The following GRIK2 variants were observed in gnomAD, a reference collection of about 807,000 sequenced individuals.
GRIK2 encodes the protein glutamate receptor ionotropic, kainate 2.
Under a neutral mutation model 100.3 loss-of-function variants are expected in GRIK2, and 32 were observed. That is an observed-to-expected ratio of 0.32 (90% CI 0.24 to 0.43). The LOEUF (loss-of-function observed/expected upper bound fraction) is 0.43, where lower values mean the gene tolerates loss of function less well. Ranked by LOEUF, GRIK2 falls within the 20% of genes least tolerant of loss-of-function variation. GRIK2 has a pLI of 1.00. For missense variants in GRIK2, 843 were observed against 1,114.9 expected (o/e 0.76, Z 3.47); for synonymous variants, 417 against 389.4 (o/e 1.07, Z -0.83).
intron 2 of GRIK2, among the ~76,000 whole-genome samples, chr6:101,482,615 ATG>A (rs1169009591): frequency 2.6e-5 from 4 of 152,216 alleles, no homozygotes; most frequent in Admixed American, 1.3e-4. Flanking sequence ...GAAATGTAAA[ATG>A]TGTGTGTAGA....
At chr6:101,441,108 C>A (rs1562139887) in intron 2 of GRIK2, among the ~76,000 whole-genome samples, 1 of 151,800 alleles carries the variant, frequency 6.6e-6, no homozygotes, top group Non-Finnish European at 1.5e-5. Context: ...CTTCCTAGAG[C>A]ACTGGGATTA....
intron 7 of GRIK2, among the ~76,000 whole-genome samples, chr6:101,721,418 G>A (rs1487850367): frequency 2.6e-5 from 4 of 151,884 alleles, no homozygotes; most frequent in Non-Finnish European, 2.9e-5. Context: ...AATTAGCTGG[G>A]AGTGGTGGTG....
chr6:101,564,430 A>G (rs1777157831), intron 2 of GRIK2, among the ~76,000 whole-genome samples: 1 of 152,186 alleles, frequency 6.6e-6, no homozygotes. Context: ...AAGAAAGAAT[A>G]ACTGAGTGTA....
At chr6:101,809,262 T>A (rs1208763485) in intron 9 of GRIK2, among the ~76,000 whole-genome samples, 1 of 152,044 alleles carries the variant, frequency 6.6e-6, no homozygotes, top group East Asian at 1.9e-4. Flanking sequence ...CCTGCCTGCC[T>A]GAGTTTACAG....
intron 7 of GRIK2, among the ~76,000 whole-genome samples, chr6:101,707,528 ATATG>A (rs1253052953): frequency 7.6e-6 from 1 of 131,636 alleles, no homozygotes; most frequent in East Asian, 2.2e-4. Context: ...GTGAAAATAT[ATATG>A]TGTGTATATA....
intron 12 of GRIK2, among the ~76,000 whole-genome samples, chr6:101,908,586 AG>A (rs1268788169): frequency 1.7e-4 from 26 of 151,374 alleles, no homozygotes; most frequent in Non-Finnish European, 4.4e-5. Flanking sequence ...TCCAGGGAAG[AG>A]GAAGAGAGTA....
intron 2 of GRIK2, among the ~76,000 whole-genome samples, chr6:101,603,407 A>T (rs907111974): frequency 2.9e-4 from 44 of 151,604 alleles, no homozygotes; most frequent in African/African-American, 9.7e-4. Flanking sequence ...GAGAGGAATA[A>T]ATAACCACGA....
At chr6:101,465,347 A>G (rs1342392019) in intron 2 of GRIK2, among the ~76,000 whole-genome samples, 1 of 152,120 alleles carries the variant, frequency 6.6e-6, no homozygotes, top group Admixed American at 6.5e-5. Context: ...TTTAGCTCCC[A>G]GTTACAAGTG....
rs147526404 is a variant in GRIK2, at chr6:101,981,210, C to G, written c.2085+52578C>G. ...GTTTCAAGTTTATAAATATATTTAT[C>G]TTTTTTGGGCATGAAGGACTTAAAT... On this transcript the variant is annotated intron_variant, in intron 14 of 16. Transcript: ENST00000369134. 6.9e-3 allele frequency among the ~76,000 whole-genome samples: 1,042 copies of G among 151,846 alleles called. 14 individuals are homozygous for G. The highest frequency in any genetic ancestry group is 0.024 in the African/African-American group (986 of 41,500).
intron 7 of GRIK2, among the ~76,000 whole-genome samples, chr6:101,757,292 A>G (rs1777196180): frequency 1.3e-5 from 2 of 152,176 alleles, no homozygotes; most frequent in African/African-American, 4.8e-5. Context: ...TACAGTACCT[A>G]ATGTATTTAA....
intron 12 of GRIK2, among the ~76,000 whole-genome samples, chr6:101,908,277 G>T (rs1005014940): frequency 1.3e-4 from 1 of 7,750 alleles, no homozygotes; most frequent in African/African-American, 6.9e-4. Context: ...AAATAATTAC[G>T]GTTTTGCCAA....
At chr6:101,955,616 C>CTCTCT (rs1554292263) in intron 14 of GRIK2, among the ~76,000 whole-genome samples, 9 of 135,594 alleles carry the variant, frequency 6.6e-5, no homozygotes, top group East Asian at 2.2e-4. Context: ...CTCTCTCTCT[C>CTCTCT]CCCCCCATTT....
At chr6:101,936,564 C>G (rs907724970) in intron 14 of GRIK2, among the ~76,000 whole-genome samples, 5 of 152,046 alleles carry the variant, frequency 3.3e-5, no homozygotes, top group Admixed American at 6.6e-5. Context: ...CTCCCTCCCC[C>G]TTTCCTCATC....
chr6:101,544,329 A>G (rs114950915), intron 2 of GRIK2, among the ~76,000 whole-genome samples: 1,572 of 152,298 alleles, frequency 0.01, 20 homozygotes, highest in African/African-American at 0.034. Flanking sequence ...CATTCTAAAC[A>G]TAAGTTTAAG....
intron 2 of GRIK2, among the ~76,000 whole-genome samples, chr6:101,565,937 A>ATATATATATATATATATATATGTG (rs1777245490): frequency 2.4e-5 from 2 of 84,226 alleles, no homozygotes; most frequent in South Asian, 6.0e-4. Flanking sequence ...ATATATGTGT[A>ATATATATATATATATATATATGTG]TATATATATA....
chr6:102,010,692 C>A (rs1017215450), intron 14 of GRIK2, among the ~76,000 whole-genome samples: 1 of 151,682 alleles, frequency 6.6e-6, no homozygotes, highest in African/African-American at 2.4e-5. Context: ...CCCCTCCCTT[C>A]TTCTTAACCC....
At chr6:101,627,028 T>C (rs1780488541) in intron 4 of GRIK2, among the ~76,000 whole-genome samples, 1 of 151,904 alleles carries the variant, frequency 6.6e-6, no homozygotes. Context: ...TAAGAATCCA[T>C]GTATTCAAAA....
intron 4 of GRIK2, among the ~76,000 whole-genome samples, chr6:101,670,993 A>T (rs779238962): frequency 1.3e-5 from 2 of 152,198 alleles, no homozygotes; most frequent in African/African-American, 2.4e-5. Context: ...CAGCTATAAT[A>T]GACTAAATCC....
intron 10 of GRIK2, among the ~76,000 whole-genome samples, chr6:101,858,376 A>ATTTTTTTTTTTTTT (rs66505184): frequency 8.0e-6 from 1 of 125,468 alleles, no homozygotes. Context: ...CTCTCTCTCT[A>ATTTTTTTTTTTTTT]TTTTTTTTTC....
Sources: gnomAD v4.1 joint callset for allele counts (sites outside exome capture counted in the v4.1 genomes callset) on GRCh38, gnomAD v4.1.1 for gene constraint, MANE v1.5 for transcripts, NCBI Gene and HGNC (gene_info 2026-07-23, HGNC 2026-07-21) for gene names.